NTNG1: variants seen among roughly 807,000 people sequenced by gnomAD.
NTNG1 encodes netrin G1, also known as netrin-G1.
NTNG1 carries 16 observed loss-of-function variants against 54.0 expected under a neutral mutation model. The observed-to-expected ratio is 0.30, with a 90% CI of 0.20 to 0.45. NTNG1 has a LOEUF of 0.45. Ranked by LOEUF, NTNG1 falls within the 20% of genes least tolerant of loss-of-function variation. The pLI is 1.00. For missense variants in NTNG1, 530 were observed against 678.7 expected (o/e 0.78, Z 2.43); for synonymous variants, 255 against 263.1 (o/e 0.97, Z 0.30).
chr1:107,382,935 G>T (rs894275381), intron 3 of NTNG1, among the ~76,000 whole-genome samples: 4 of 151,894 alleles, frequency 2.6e-5, no homozygotes, highest in Admixed American at 6.6e-5. Context: ...AGAAAAGGGA[G>T]AATTAGAAGA....
At chr1:107,381,714 C>A (rs12026697) in intron 3 of NTNG1, among the ~76,000 whole-genome samples, 69,784 of 152,008 alleles carry the variant, frequency 0.46, 18,006 homozygotes, top group Middle Eastern at 0.74. Context: ...CAGTTTAAAC[C>A]AAATAGAGAT....
intron 2 of NTNG1, among the ~76,000 whole-genome samples, chr1:107,204,238 G>C (rs1445070451): frequency 6.6e-6 from 1 of 152,034 alleles, no homozygotes; most frequent in Non-Finnish European, 1.5e-5. Flanking sequence ...GTTTTGGTTT[G>C]ATATAGCAGA....
intron 2 of NTNG1, among the ~76,000 whole-genome samples, chr1:107,165,538 GT>G (rs1655728012): frequency 6.6e-6 from 1 of 152,064 alleles, no homozygotes; most frequent in African/African-American, 2.4e-5. Flanking sequence ...GTAATTATTA[GT>G]TACTAGTCTG....
intron 7 of NTNG1, among the ~76,000 whole-genome samples, chr1:107,472,416 T>C (rs1443112731): frequency 6.6e-6 from 1 of 152,202 alleles, no homozygotes; most frequent in East Asian, 1.9e-4. Context: ...ACCTGTAACC[T>C]GTAGCCTAAC....
intron 5 of NTNG1, 61 bp downstream of exon 5, chr1:107,407,769 G>A: frequency 7.4e-7 from 1 of 1,346,016 alleles, no homozygotes; most frequent in South Asian, 1.2e-5. Flanking sequence ...TTGCTTTGTT[G>A]TTCACCTCCT....
rs1001235807 is a variant in NTNG1, at chr1:107,320,663, T to C, written c.247-3619T>C. Reference sequence around the variant, plus strand: ...TTTACGGCTTCTTCACCTTTCATCTTTTTTTTTTTTTTTTCCTTTCTCTCA... The same window carrying C: ...TTTACGGCTTCTTCACCTTTCATCTCTTTTTTTTTTTTTTCCTTTCTCTCA... On this transcript the variant is annotated intron_variant, in intron 2 of 7. Coordinates refer to ENST00000370068, the MANE Select transcript of NTNG1 (RefSeq NM_001113226.3). 1.5e-3 allele frequency among the ~76,000 whole-genome samples: 196 copies of C among 130,924 alleles called. 1 individual carries two copies. The highest frequency in any genetic ancestry group is 7.4e-3 in the African/African-American group (192 of 25,860). 85.9% of individuals were successfully genotyped at this position (130,924 alleles called of 152,430 possible). A position where few individuals can be genotyped will look rare whatever the true frequency, so the allele number is the denominator to read the frequency against.
chr1:107,454,518 T>C (rs1467308940), intron 7 of NTNG1, among the ~76,000 whole-genome samples: 2 of 151,912 alleles, frequency 1.3e-5, no homozygotes, highest in Non-Finnish European at 2.9e-5. Flanking sequence ...ATGATGCAAT[T>C]CAAGCCAAAT....
intron 2 of NTNG1, among the ~76,000 whole-genome samples, chr1:107,198,791 A>G (rs1658522546): frequency 6.6e-6 from 1 of 151,830 alleles, no homozygotes; most frequent in Non-Finnish European, 1.5e-5. Context: ...TGGCTCTAAA[A>G]TTGTTTGACT....
chr1:107,166,911 A>G (rs1437601969), intron 2 of NTNG1, among the ~76,000 whole-genome samples: 1 of 152,142 alleles, frequency 6.6e-6, no homozygotes, highest in African/African-American at 2.4e-5. Context: ...ATTAAGTACC[A>G]TGGGTTTAAG....
rs1390284439 is a variant in NTNG1, at chr1:107,482,201, C to G, written c.*1361C>G. On this transcript the variant is annotated 3_prime_UTR_variant, in exon 8 of 8. Coordinates refer to ENST00000370068, the MANE Select transcript of NTNG1 (RefSeq NM_001113226.3). ...ATCATGTGACTCTAGGGATGCTGAT[C>G]TATGTATCTTTCCAAATACAGTGTT... The G allele has an allele frequency of 6.6e-6, 1 of 151,956 alleles. No homozygotes were observed. Among genetic ancestry groups the G allele is most frequent in the African/African-American group, 2.4e-5 (1 of 41,328 alleles). The allele number at this position is 151,956 out of a possible 1,614,324, so 9.4% of individuals were successfully genotyped here.
In NTNG1 at chr1:107,431,002, A is replaced by G. The variant is rs1392897862; in HGVS notation, c.1255+85A>G. The G allele has an allele frequency of 5.5e-6, 7 of 1,277,190 alleles. No individual in the cohort carries two copies. In the East Asian group the frequency reaches 1.4e-4, roughly 26 times the overall value. The allele number at this position is 1,277,190 out of a possible 1,614,324, so 79.1% of individuals were successfully genotyped here. On this transcript the variant is annotated intron_variant, in intron 6 of 7. Transcript: ENST00000370068. Reference sequence around the variant, plus strand: ...TAGGGTGGAGAGGCTGGCGATTTGCACCGCGGTTGAGCCAGAATGAACTTT... The same window carrying G: ...TAGGGTGGAGAGGCTGGCGATTTGCGCCGCGGTTGAGCCAGAATGAACTTT...
At chr1:107,391,211 T>C (rs1395490444) in intron 3 of NTNG1, among the ~76,000 whole-genome samples, 1 of 152,142 alleles carries the variant, frequency 6.6e-6, no homozygotes. Flanking sequence ...AAGAGATAAA[T>C]TGCAAAATGA....
intron 3 of NTNG1, among the ~76,000 whole-genome samples, chr1:107,327,660 A>G (rs769860865): frequency 1.5e-4 from 22 of 151,698 alleles, no homozygotes; most frequent in Non-Finnish European, 2.8e-4. Context: ...TTACATGTCT[A>G]TATCTGATCA....
chr1:107,393,734 CT>C (rs1467903645), intron 3 of NTNG1, among the ~76,000 whole-genome samples: 1 of 151,814 alleles, frequency 6.6e-6, no homozygotes, highest in Non-Finnish European at 1.5e-5. Flanking sequence ...TTAACCATTC[CT>C]TTTTTTCCTT....
intron 7 of NTNG1, among the ~76,000 whole-genome samples, chr1:107,463,080 C>A (rs144953613): frequency 6.6e-6 from 1 of 152,208 alleles, no homozygotes; most frequent in Non-Finnish European, 1.5e-5. Flanking sequence ...TTCTCCCCTC[C>A]CTTTCCTCAT....
intron 2 of NTNG1, among the ~76,000 whole-genome samples, chr1:107,254,707 G>GA (rs371515838): frequency 6.6e-6 from 1 of 151,778 alleles, no homozygotes; most frequent in South Asian, 2.1e-4. Flanking sequence ...ACTTTTGAAA[G>GA]AAAAAAAATG....
intron 5 of NTNG1, among the ~76,000 whole-genome samples, chr1:107,419,239 C>CCTCTCT (rs147796224): frequency 2.8e-4 from 41 of 148,268 alleles, no homozygotes; most frequent in African/African-American, 7.2e-4. Flanking sequence ...CCTCCTCCCT[C>CCTCTCT]CTCTCTCTCT....
At chr1:107,278,773 G>A (rs192585006) in intron 2 of NTNG1, among the ~76,000 whole-genome samples, 1 of 151,956 alleles carries the variant, frequency 6.6e-6, no homozygotes, top group East Asian at 1.9e-4. Flanking sequence ...TTTGTCTTCT[G>A]TTGATTATTT....
At chr1:107,166,500 T>C (rs1439134177) in intron 2 of NTNG1, among the ~76,000 whole-genome samples, 1 of 152,052 alleles carries the variant, frequency 6.6e-6, no homozygotes, top group Non-Finnish European at 1.5e-5. Flanking sequence ...CTAGATAAAA[T>C]AGGAGGAAAG....
Sources: gnomAD v4.1 joint callset for allele counts (sites outside exome capture counted in the v4.1 genomes callset) on GRCh38, gnomAD v4.1.1 for gene constraint, MANE v1.5 for transcripts, NCBI Gene and HGNC (gene_info 2026-07-23, HGNC 2026-07-21) for gene names.